TNN: variants seen among roughly 807,000 people sequenced by gnomAD.
TNN encodes the protein tenascin-N.
Under a neutral mutation model 134.4 loss-of-function variants are expected in TNN, and 122 were observed. The observed-to-expected ratio is 0.91, with a 90% CI of 0.78 to 1.06. The LOEUF is 1.06. TNN is among the 50% of genes least tolerant of loss of function. The pLI, the probability that TNN is intolerant of heterozygous loss-of-function variation, is 0.00. For missense variants in TNN, 1,739 were observed against 1,699.4 expected (o/e 1.02, Z -0.41); for synonymous variants, 710 against 670.3 (o/e 1.06, Z -0.91).
At chr1:175,084,416 C>G (rs1282588199) in intron 5 of TNN, among the ~76,000 whole-genome samples, 2 of 152,122 alleles carry the variant, frequency 1.3e-5, no homozygotes, top group African/African-American at 2.4e-5. Context: ...CTCTCTGTCT[C>G]TGATTTCTGA....
Position 175,098,582 on chromosome 1 carries a change from C to T in TNN, c.2106C>T (p.Thr702=). ...ACCAGGAGAGCAAGAAGGCCGACAC[C>T]AAGGCCCAGACAGGTAAGGAGTGTG... ...KGDQESKKAD[T]KAQTDIDSPQ... Residue 702 remains threonine, a synonymous_variant, in exon 9 of 19, where the codon ACC becomes ACT. Coordinates refer to ENST00000239462, the MANE Select transcript of TNN (RefSeq NM_022093.2). 1 of 1,614,090 alleles carries T rather than the reference C, an allele frequency of 6.2e-7. No homozygotes were observed. Among genetic ancestry groups the T allele is most frequent in the South Asian group, 1.1e-5 (1 of 91,072 alleles).
At chr1:175,111,594 A>AT (rs1424939340) in intron 9 of TNN, among the ~76,000 whole-genome samples, 3 of 150,302 alleles carry the variant, frequency 2.0e-5, no homozygotes, top group East Asian at 2.0e-4. Flanking sequence ...TGGGAGTACA[A>AT]TTTTTTTTAC....
chr1:175,093,633 A>T (rs1306763672), intron 6 of TNN, among the ~76,000 whole-genome samples: 1 of 152,166 alleles, frequency 6.6e-6, no homozygotes, highest in Non-Finnish European at 1.5e-5. Flanking sequence ...GAGGGGAATG[A>T]TGACTCTTCT....
chr1:175,101,548 C>T (rs2149434145), intron 9 of TNN, among the ~76,000 whole-genome samples: 1 of 150,162 alleles, frequency 6.7e-6, no homozygotes, highest in East Asian at 2.0e-4. Context: ...CACCCACATC[C>T]TGCTGATTGG....
At chr1:175,089,431 A>C (rs995010413) in intron 6 of TNN, among the ~76,000 whole-genome samples, 3 of 152,320 alleles carry the variant, frequency 2.0e-5, no homozygotes, top group African/African-American at 7.2e-5. Flanking sequence ...GAAGCAGGTC[A>C]GCTTAAGGAG....
At chr1:175,119,828 C>T (rs554495999) in intron 11 of TNN, among the ~76,000 whole-genome samples, 22 of 151,920 alleles carry the variant, frequency 1.4e-4, no homozygotes, top group Admixed American at 2.0e-4. Context: ...TTAGTAGAGA[C>T]GGGGTTTCAC....
intron 4 of TNN, 134 bp from the exon 5 acceptor site, chr1:175,083,616 A>T (rs1674251769): frequency 1.3e-6 from 1 of 751,208 alleles, no homozygotes; most frequent in African/African-American, 1.8e-5. Flanking sequence ...CCTGCTAAGA[A>T]CTGTGTCCTG....
Position 175,115,699 on chromosome 1 carries a change from A to G in TNN, c.2120-1240A>G, listed in dbSNP as rs74737547. Among the ~76,000 whole-genome samples, 1,412 of 152,226 alleles carry G rather than the reference A, an allele frequency of 9.3e-3. 18 individuals are homozygous for G. Among genetic ancestry groups the G allele is most frequent in the African/African-American group, 0.033 (1,361 of 41,504 alleles). The stretch of plus-strand genomic sequence containing the variant: ...ACCAAGACGGTGTAGTACAATAGCC[A>G]TGCAGGCCACAGGGGGTGGGGCACA... On this transcript the variant is annotated intron_variant, in intron 9 of 18. Transcript: ENST00000239462.
chr1:175,081,122 G>T (rs186496757), intron 4 of TNN, among the ~76,000 whole-genome samples: 4 of 152,338 alleles, frequency 2.6e-5, no homozygotes, highest in African/African-American at 9.6e-5. Context: ...AAGCCAAAGG[G>T]TCAGGTAAAC....
chr1:175,085,094 T>C (rs1288555724), intron 5 of TNN, among the ~76,000 whole-genome samples: 3 of 152,206 alleles, frequency 2.0e-5, no homozygotes, highest in African/African-American at 7.2e-5. Flanking sequence ...TTTGGGTCTA[T>C]AAATAAAATT....
intron 15 of TNN, among the ~76,000 whole-genome samples, chr1:175,130,235 C>T (rs975351015): frequency 1.1e-4 from 17 of 152,188 alleles, no homozygotes; most frequent in African/African-American, 3.9e-4. Flanking sequence ...TTCATTTACA[C>T]ATTCACTCAG....
intron 9 of TNN, among the ~76,000 whole-genome samples, chr1:175,108,090 T>A (rs892889879): frequency 3.3e-5 from 5 of 151,854 alleles, no homozygotes; most frequent in Non-Finnish European, 4.4e-5. Context: ...TTGGTGTATT[T>A]ACAATCCTTG....
chr1:175,146,947 C>A lies in TNN; in HGVS notation c.3776C>A (p.Pro1259His). 6.4e-7 allele frequency: 1 copy of A among 1,552,384 alleles called. No homozygotes were observed. The highest frequency in any genetic ancestry group is 1.2e-5 in the South Asian group (1 of 82,806). ...TTTTGGTAGGGGGTGAACTGGGAGC[C>A]TTGGAAAGGACATGAATTCTCCATT... Reference protein sequence around the residue: ...TKHSEGVNWEPWKGHEFSIPY... With the variant: ...TKHSEGVNWEHWKGHEFSIPY... Residue 1259 changes from proline to histidine, a missense_variant, in exon 19 of 19, where the codon CCT (proline) becomes CAT (histidine). Pro to His is a moderately conservative substitution (Grantham distance 77). Transcript: ENST00000239462.
chr1:175,077,840 C>T lies in TNN; in HGVS notation c.409+13C>T. On this transcript the variant is annotated intron_variant, in intron 2 of 18. Transcript: ENST00000239462. ...CAGGGAGTCACTGGTGAGCTCACCA[C>T]CTGGTATTCATTCAACAAACATTTG... 2.5e-6 allele frequency: 4 copies of T among 1,601,508 alleles called. No homozygotes were observed. Among genetic ancestry groups the T allele is most frequent in the South Asian group, 1.1e-5 (1 of 90,360 alleles).
In TNN at chr1:175,127,033, C is replaced by T; in HGVS notation, c.2993C>T (p.Ala998Val). 6.2e-7 allele frequency: 1 copy of T among 1,614,184 alleles called. No individual in the cohort carries two copies. The highest frequency in any genetic ancestry group is 2.2e-5 in the East Asian group (1 of 44,886). The part of the protein sequence containing the change: ...GGILTWTPPS[A>V]QIHGYILTYQ... ...ATATTGACCTGGACGCCCCCCTCTG[C>T]TCAGATCCACGGCTACATTCTGACT... Residue 998 changes from alanine to valine, a missense_variant, in exon 13 of 19, where the codon GCT becomes GTT. Physicochemically the swap from Ala to Val is moderately conservative, Grantham distance 64 (BLOSUM62 0). Transcript: ENST00000239462.
At chr1:175,130,580 T>C (rs537773394) in intron 15 of TNN, among the ~76,000 whole-genome samples, 2 of 151,674 alleles carry the variant, frequency 1.3e-5, no homozygotes, top group African/African-American at 2.4e-5. Context: ...TATTGTCTAG[T>C]GTGGCCTTTT....
intron 12 of TNN, among the ~76,000 whole-genome samples, chr1:175,125,895 T>C (rs1336096179): frequency 6.9e-6 from 1 of 144,470 alleles, no homozygotes; most frequent in African/African-American, 2.6e-5. Flanking sequence ...TTTTCTTTCT[T>C]TCTCTCTCCC....
At chr1:175,107,391 G>A (rs561524943) in intron 9 of TNN, among the ~76,000 whole-genome samples, 17 of 143,704 alleles carry the variant, frequency 1.2e-4, no homozygotes, top group South Asian at 2.4e-4. Flanking sequence ...TGGTGGGTTC[G>A]TGGTCTCGCT....
At chr1:175,106,592 C>A (rs924300139) in intron 9 of TNN, among the ~76,000 whole-genome samples, 1 of 146,130 alleles carries the variant, frequency 6.8e-6, no homozygotes, top group East Asian at 2.3e-4. Flanking sequence ...GGTCTAGCCT[C>A]AGAGAAGAGA....
Sources: gnomAD v4.1 joint callset for allele counts (sites outside exome capture counted in the v4.1 genomes callset) on GRCh38, gnomAD v4.1.1 for gene constraint, MANE v1.5 for transcripts, NCBI Gene and HGNC (gene_info 2026-07-23, HGNC 2026-07-21) for gene names.